Variants in SUPT20H observed in about 807,000 individuals in gnomAD.
SUPT20H encodes transcription factor SPT20 homolog.
Under a neutral mutation model 122.8 loss-of-function variants are expected in SUPT20H, and 82 were observed. That is an observed-to-expected ratio of 0.67 (90% CI 0.56 to 0.80). The LOEUF is 0.80. SUPT20H is among the 30% of genes least tolerant of loss of function. SUPT20H has a pLI of 0.00. For missense variants in SUPT20H, 831 were observed against 921.6 expected (o/e 0.90, Z 1.27); for synonymous variants, 291 against 313.0 (o/e 0.93, Z 0.74).
chr13:37,012,382 TGAAA>T (rs746877790), intron 23 of SUPT20H, 85 bp from the exon 24 acceptor site: 36 of 1,089,498 alleles, frequency 3.3e-5, no homozygotes, highest in Non-Finnish European at 4.0e-5. Flanking sequence ...TTTTCCTATA[TGAAA>T]GAAAGCAGTA....
chr13:37,048,609 G>A lies in SUPT20H; in HGVS notation c.4-10C>T, dbSNP rs758636907. The A allele has an allele frequency of 6.3e-7, 1 of 1,596,264 alleles. No homozygotes were observed. Among genetic ancestry groups the A allele is most frequent in the Admixed American group, 1.8e-5 (1 of 57,100 alleles). On this transcript the variant is annotated splice_polypyrimidine_tract_variant and intron_variant, in intron 2 of 25. Transcript: ENST00000350612. The stretch of plus-strand genomic sequence containing the variant: ...GTTCTAAAGCTTGTTGCTGTAAAAA[G>A]TAAATAGTATATTTGGTAATATTAG...
chr13:37,022,990 C>A lies in SUPT20H; in HGVS notation c.1592-910G>T, dbSNP rs1304621651. 109 of 1,261,544 alleles carry A rather than the reference C, an allele frequency of 8.6e-5. No homozygotes were observed. The highest frequency in any genetic ancestry group is 1.1e-4 in the Non-Finnish European group (107 of 978,384). The allele number at this position is 1,261,544 out of a possible 1,614,324, so 78.1% of individuals were successfully genotyped here. A position where few individuals can be genotyped will look rare whatever the true frequency, so the allele number is the denominator to read the frequency against. ...AAAAAACAAAAACAAAAAACAAAAA[C>A]CAAAAAAGTAAAACCAAAAGCTCTT... On this transcript the variant is annotated intron_variant, in intron 19 of 25. Coordinates refer to ENST00000350612, the MANE Select transcript of SUPT20H (RefSeq NM_001014286.3). This position sits in a 1 kb window ranked among gnomAD's most constrained non-coding sequence, Gnocchi z 4.5.
chr13:37,018,197 A>G (rs1476844808), intron 22 of SUPT20H, among the ~76,000 whole-genome samples: 1 of 152,186 alleles, frequency 6.6e-6, no homozygotes, highest in Non-Finnish European at 1.5e-5. Context: ...AGGTAAATCT[A>G]GACACAGCAC....
intron 12 of SUPT20H, among the ~76,000 whole-genome samples, chr13:37,031,148 T>A (rs1299002608): frequency 6.6e-6 from 1 of 152,136 alleles, no homozygotes; most frequent in Non-Finnish European, 1.5e-5. Flanking sequence ...TAATCTTTAT[T>A]TTATTTTATG....
chr13:37,028,419 C>T, intron 13 of SUPT20H, 114 bp from the exon 14 acceptor site: 1 of 951,348 alleles, frequency 1.1e-6, no homozygotes, highest in Non-Finnish European at 1.5e-6. Flanking sequence ...TAGGAAGACA[C>T]ACAGCACTTA....
At position 37,025,421 on chromosome 13, in the gene SUPT20H, G is replaced by A. The variant is rs1441582257; in HGVS notation, c.1228C>T (p.Gln410Ter). 1 of 1,612,844 alleles carries A rather than the reference G, an allele frequency of 6.2e-7. No individual in the cohort carries two copies. Among genetic ancestry groups the A allele is most frequent in the Non-Finnish European group, 8.5e-7 (1 of 1,179,154 alleles). ...TTGGCTTCATTCTGGACTAATTCTT[G>A]GTACTGATTGACTACCCTAAAATAT... The part of the protein sequence containing the change: ...TDAERVVNQY[Q>*]ELVQNEAKCP... The change falls in exon 17 of 26, where the codon CAA becomes TAA. Residue 410 changes from glutamine (Q) to a stop codon, truncating the protein, a stop_gained. Coordinates refer to ENST00000350612, the MANE Select transcript of SUPT20H (RefSeq NM_001014286.3). LOFTEE classifies it high-confidence loss of function.
intron 7 of SUPT20H, among the ~76,000 whole-genome samples, chr13:37,042,003 G>A (rs2065556845): frequency 6.6e-6 from 1 of 152,208 alleles, no homozygotes; most frequent in African/African-American, 2.4e-5. Context: ...AATAACATAT[G>A]AGAAGTTCTT....
At chr13:37,011,178 A>C (rs2059563888) in intron 24 of SUPT20H, among the ~76,000 whole-genome samples, 1 of 152,148 alleles carries the variant, frequency 6.6e-6, no homozygotes, top group Non-Finnish European at 1.5e-5. Flanking sequence ...TTCAACACTC[A>C]TTTTACATAT....
intron 15 of SUPT20H, 107 bp downstream of exon 15, chr13:37,026,683 T>C (rs533427134): frequency 3.0e-6 from 2 of 662,118 alleles, no homozygotes; most frequent in Non-Finnish European, 4.9e-6. Flanking sequence ...AAACAAAGTA[T>C]ACATATTTAT....
chr13:37,050,382 C>T (rs375103849), intron 2 of SUPT20H, among the ~76,000 whole-genome samples: 19 of 146,068 alleles, frequency 1.3e-4, no homozygotes, highest in South Asian at 6.5e-4. Flanking sequence ...TTATAAGAAG[C>T]GGATTCCCAA....
At chr13:37,011,207 A>C (rs1316428338) in intron 24 of SUPT20H, among the ~76,000 whole-genome samples, 4 of 152,202 alleles carry the variant, frequency 2.6e-5, no homozygotes, top group African/African-American at 9.7e-5. Context: ...TTGAAGGCCA[A>C]CATGATTTAA....
intron 16 of SUPT20H, 70 bp downstream of exon 16, chr13:37,026,134 C>T: frequency 7.7e-7 from 1 of 1,299,808 alleles, no homozygotes; most frequent in East Asian, 2.6e-5. Flanking sequence ...TCCTAGTATT[C>T]TCTATCCTAT....
chr13:37,030,187 C>A (rs958532203), intron 12 of SUPT20H, among the ~76,000 whole-genome samples: 14 of 152,108 alleles, frequency 9.2e-5, no homozygotes, highest in African/African-American at 3.1e-4. Context: ...GGATAAAGAT[C>A]TTTTCCTTTT....
At chr13:37,037,358 CT>C (rs2064674257) in intron 9 of SUPT20H, among the ~76,000 whole-genome samples, 1 of 152,112 alleles carries the variant, frequency 6.6e-6, no homozygotes, top group Non-Finnish European at 1.5e-5. Flanking sequence ...TAAATGTAAC[CT>C]TTTTATAGAC....
chr13:37,027,249 G>GA (rs1429421852), intron 14 of SUPT20H, among the ~76,000 whole-genome samples: 3 of 149,596 alleles, frequency 2.0e-5, no homozygotes, highest in Non-Finnish European at 4.5e-5. Context: ...TAAAAATAAA[G>GA]AAAAAAAATG....
At chr13:37,054,531 A>G (rs542276515) in intron 1 of SUPT20H, among the ~76,000 whole-genome samples, 5 of 152,350 alleles carry the variant, frequency 3.3e-5, no homozygotes, top group African/African-American at 1.2e-4. Flanking sequence ...GATTATCTCA[A>G]TAGATGCAGA....
intron 9 of SUPT20H, chr13:37,037,993 A>T (rs890930023): frequency 6.6e-6 from 1 of 150,894 alleles, no homozygotes; most frequent in Non-Finnish European, 1.5e-5. Flanking sequence ...GAATTCCTAT[A>T]AACTGCTAGT....
intron 9 of SUPT20H, chr13:37,038,071 C>T (rs1369361462): frequency 1.3e-5 from 2 of 148,574 alleles, no homozygotes; most frequent in Non-Finnish European, 3.0e-5. Context: ...TTTATTGGTA[C>T]TATTACTACT....
chr13:37,025,500 A>ATT (rs2062093458), intron 16 of SUPT20H, 63 bp from the exon 17 acceptor site: 1 of 1,117,232 alleles, frequency 9.0e-7, no homozygotes, highest in Non-Finnish European at 1.3e-6. Context: ...AATTTATTTT[A>ATT]TAGGAAAGAA....
Sources: allele counts gnomAD v4.1 joint callset (sites outside exome capture counted in the v4.1 genomes callset), GRCh38; gene constraint gnomAD v4.1.1; non-coding constraint Gnocchi (gnomAD v3.1); transcripts MANE v1.5; gene names NCBI Gene and HGNC (gene_info 2026-07-23, HGNC 2026-07-21).